The following JMJD1C variants were observed in gnomAD, a reference collection of about 807,000 sequenced individuals.
JMJD1C encodes jumonji domain-containing protein 1C.
In JMJD1C, 31 loss-of-function variants were observed where a neutral mutation model predicts 245.3. That is an observed-to-expected ratio of 0.13 (90% CI 0.09 to 0.17). The LOEUF (loss-of-function observed/expected upper bound fraction) is 0.17. JMJD1C is among the 10% of genes least tolerant of loss of function. The pLI is 1.00. For missense variants in JMJD1C, 2,691 were observed against 3,000.2 expected, an observed-to-expected ratio of 0.90 and a Z score of 2.41; for synonymous variants, 1,057 against 1,017.4, an observed-to-expected ratio of 1.04 and a Z score of -0.74.
At chr10:63,480,831 T>C (rs1953809884) in intron 1 of JMJD1C, among the ~76,000 whole-genome samples, 2 of 152,170 alleles carry the variant, frequency 1.3e-5, no homozygotes, top group African/African-American at 4.8e-5. Context: ...AAAAAGTTCC[T>C]TTTTGTGACT....
intron 3 of JMJD1C, among the ~76,000 whole-genome samples, chr10:63,243,925 C>G (rs1303593130): frequency 6.6e-6 from 1 of 152,170 alleles, no homozygotes; most frequent in African/African-American, 2.4e-5. Context: ...CTGCCCAGGA[C>G]CACACTTTCC....
intron 2 of JMJD1C, among the ~76,000 whole-genome samples, chr10:63,266,523 G>C (rs1855591664): frequency 6.6e-6 from 1 of 151,870 alleles, no homozygotes; most frequent in African/African-American, 2.4e-5. Flanking sequence ...ACATAAACAG[G>C]GATATTCGGC....
At chr10:63,264,119 T>C (rs561945010) in intron 3 of JMJD1C, among the ~76,000 whole-genome samples, 4 of 152,070 alleles carry the variant, frequency 2.6e-5, no homozygotes, top group African/African-American at 9.6e-5. Flanking sequence ...TAAAAGCTAA[T>C]AGTCAACTGG....
At chr10:63,424,518 T>TTTTTTTTTTTTA (rs1554931988) in intron 1 of JMJD1C, among the ~76,000 whole-genome samples, 1 of 147,318 alleles carries the variant, frequency 6.8e-6, no homozygotes, top group Non-Finnish European at 1.5e-5. Flanking sequence ...TTTTTTTTTT[T>TTTTTTTTTTTTA]CTTTTTGAGA....
At position 63,184,618 on chromosome 10, in the gene JMJD1C, G is replaced by C; in HGVS notation, c.6951C>G (p.Cys2317Trp). 6.2e-7 allele frequency: 1 copy of C among 1,607,392 alleles called. No homozygotes were observed. The change falls in exon 21 of 26, where the codon TGC becomes TGG. Residue 2317 changes from cysteine to tryptophan, a missense_variant. By Grantham distance (215) the Cys-to-Trp change is radical. This residue lies in a region of JMJD1C where 232 missense variants were observed against 416.1 expected (regional missense o/e 0.56). Transcript: ENST00000399262. ...FVRPDLGPRL[C>W]SAYGVVAAKD... ...TGAATATATACCTACCATAGGCACT[G>C]CACAACCTGGGTCCTAGATCAGGAC...
chr10:63,433,339 G>A lies in JMJD1C; in HGVS notation c.168+32156C>T, dbSNP rs145364753. Reference sequence around the variant, plus strand: ...TCGAACTCCTAACCTCAGGTGATCCGCTCGCCTTGGCCTCCCAAAGTGCTG... The same window carrying A: ...TCGAACTCCTAACCTCAGGTGATCCACTCGCCTTGGCCTCCCAAAGTGCTG... On this transcript the variant is annotated intron_variant, in intron 1 of 25. Transcript: ENST00000399262. 2.2e-3 allele frequency among the ~76,000 whole-genome samples: 330 copies of A among 152,102 alleles called. 1 individual carries two copies. The highest frequency in any genetic ancestry group is 2.8e-3 in the African/African-American group (115 of 41,516).
intron 1 of JMJD1C, among the ~76,000 whole-genome samples, chr10:63,475,681 C>T (rs1953638035): frequency 6.6e-6 from 1 of 152,214 alleles, no homozygotes; most frequent in Non-Finnish European, 1.5e-5. Context: ...CCTACCACCA[C>T]AAAGCTAAAC....
chr10:63,244,659 T>C (rs1475399267), intron 3 of JMJD1C, among the ~76,000 whole-genome samples: 3 of 152,032 alleles, frequency 2.0e-5, no homozygotes, highest in Non-Finnish European at 4.4e-5. Flanking sequence ...ATCTCCAAGA[T>C]AACACAGAAA....
At chr10:63,484,544 C>T (rs7915680) in intron 1 of JMJD1C, among the ~76,000 whole-genome samples, 100,662 of 151,746 alleles carry the variant, frequency 0.66, 36,179 homozygotes, top group Non-Finnish European at 0.81. Context: ...TAATTTGTAG[C>T]TGAACTTGAG....
At chr10:63,454,554 C>G (rs1473092435) in intron 1 of JMJD1C, among the ~76,000 whole-genome samples, 1 of 152,102 alleles carries the variant, frequency 6.6e-6, no homozygotes, top group Admixed American at 6.5e-5. Flanking sequence ...CCTCAGCCCC[C>G]CTAGTAGCTG....
chr10:63,418,281 C>T (rs1003426507), intron 1 of JMJD1C, among the ~76,000 whole-genome samples: 1 of 152,184 alleles, frequency 6.6e-6, no homozygotes, highest in Non-Finnish European at 1.5e-5. Flanking sequence ...GGGGACCACA[C>T]TTTAAAAATT....
chr10:63,429,016 T>C (rs1163072282), intron 1 of JMJD1C, among the ~76,000 whole-genome samples: 1 of 152,074 alleles, frequency 6.6e-6, no homozygotes, highest in Non-Finnish European at 1.5e-5. Flanking sequence ...ATTTCACTCT[T>C]GTTACCCAGG....
intron 1 of JMJD1C, among the ~76,000 whole-genome samples, chr10:63,515,762 C>T (rs1049842116): frequency 4.6e-5 from 7 of 152,170 alleles, no homozygotes; most frequent in African/African-American, 1.4e-4. Flanking sequence ...TCCTTACATG[C>T]TACACTGGAA....
At chr10:63,174,642 T>C (rs113894910) in intron 24 of JMJD1C, among the ~76,000 whole-genome samples, 3,668 of 152,232 alleles carry the variant, frequency 0.024, 104 homozygotes, top group African/African-American at 0.067. Flanking sequence ...GAGACCAGCC[T>C]GACCAACGTG....
intron 2 of JMJD1C, among the ~76,000 whole-genome samples, chr10:63,362,942 T>G (rs1945516266): frequency 2.0e-5 from 3 of 152,150 alleles, no homozygotes; most frequent in African/African-American, 7.2e-5. Flanking sequence ...AGGGCACTTA[T>G]TACCAGTATT....
chr10:63,180,829 C>T (rs938016018), intron 22 of JMJD1C, among the ~76,000 whole-genome samples: 2 of 149,532 alleles, frequency 1.3e-5, no homozygotes, highest in African/African-American at 2.5e-5. Context: ...AGTGCAGTGG[C>T]GGGATCTCGG....
At chr10:63,168,825 G>C (rs1462021590) in intron 24 of JMJD1C, among the ~76,000 whole-genome samples, 1 of 152,110 alleles carries the variant, frequency 6.6e-6, no homozygotes, top group African/African-American at 2.4e-5. Context: ...ATCCTTTGGA[G>C]AGGCTGATAA....
At chr10:63,298,637 G>T (rs191310064) in intron 2 of JMJD1C, among the ~76,000 whole-genome samples, 300 of 152,220 alleles carry the variant, frequency 2.0e-3, no homozygotes, top group Non-Finnish European at 3.2e-3. Flanking sequence ...CAAGTATTAG[G>T]TTTTCAATAT....
At chr10:63,337,624 A>AAAAGAAAAGAAAAAGAAAAAGAAAAAG (rs139374030) in intron 2 of JMJD1C, among the ~76,000 whole-genome samples, 2 of 60,224 alleles carry the variant, frequency 3.3e-5, no homozygotes, top group African/African-American at 1.5e-4. Flanking sequence ...AAAAGAAAAG[A>AAAAGAAAAGAAAAAGAAAAAGAAAAAG]AAAAGAAAAG....
Sources: allele counts gnomAD v4.1 joint callset (sites outside exome capture counted in the v4.1 genomes callset), GRCh38; gene constraint gnomAD v4.1.1; regional missense constraint gnomAD v4.1.1; transcripts MANE v1.5; gene names NCBI Gene and HGNC (gene_info 2026-07-23, HGNC 2026-07-21).